Variants in ZFHX3 observed in about 807,000 individuals in gnomAD.
The protein encoded by ZFHX3 is zinc finger homeobox 3.
ZFHX3 carries 42 observed loss-of-function variants against 279.1 expected under a neutral mutation model. The observed-to-expected ratio is 0.15, with a 90% CI of 0.12 to 0.19. ZFHX3 has a LOEUF of 0.19. ZFHX3 is among the 10% of genes least tolerant of loss of function. ZFHX3 has a pLI of 1.00. For missense variants in ZFHX3, 4,981 were observed against 4,754.0 expected, an observed-to-expected ratio of 1.05 and a Z score of -1.40; for synonymous variants, 2,293 against 1,957.8, an observed-to-expected ratio of 1.17 and a Z score of -4.52.
intron 4 of ZFHX3, among the ~76,000 whole-genome samples, chr16:73,262,302 G>C (rs1271607934): frequency 6.6e-6 from 1 of 152,220 alleles, no homozygotes; most frequent in Admixed American, 6.5e-5. Context: ...ACTTAAGGTA[G>C]ATAGATTGTT....
At chr16:73,699,050 A>G (rs1241567500) in intron 1 of ZFHX3, among the ~76,000 whole-genome samples, 1 of 152,022 alleles carries the variant, frequency 6.6e-6, no homozygotes, top group African/African-American at 2.4e-5. Context: ...ACGCCTGACT[A>G]ATTGCTGAAT....
At chr16:73,866,932 C>A (rs1161565639) in intron 1 of ZFHX3, among the ~76,000 whole-genome samples, 1 of 152,172 alleles carries the variant, frequency 6.6e-6, no homozygotes, top group African/African-American at 2.4e-5. Context: ...CAGTTCTTAT[C>A]CGCCAACTCC....
chr16:73,625,258 C>T (rs529713483), intron 2 of ZFHX3, among the ~76,000 whole-genome samples: 20 of 152,298 alleles, frequency 1.3e-4, no homozygotes, highest in Admixed American at 1.2e-3. Context: ...TTGTAGTGAG[C>T]TGGTTATGTT....
At chr16:73,011,219 G>A (rs1963904669) in intron 1 of ZFHX3, among the ~76,000 whole-genome samples, 1 of 152,016 alleles carries the variant, frequency 6.6e-6, no homozygotes, top group South Asian at 2.1e-4. Context: ...CTGACCTCAG[G>A]TCGATCCGCC....
At chr16:73,703,499 A>C (rs1457707226) in intron 1 of ZFHX3, among the ~76,000 whole-genome samples, 1 of 152,180 alleles carries the variant, frequency 6.6e-6, no homozygotes, top group Non-Finnish European at 1.5e-5. Context: ...AGCCAAAAAA[A>C]AAAAATTGAT....
rs1215156581 is a variant in ZFHX3, at chr16:73,219,264, CATACA to C, written c.-1104+37778_-1104+37782del. On this transcript the variant is annotated intron_variant, in intron 5 of 17. Transcript: ENST00000641206. ...TGGCAACCAAAATTCACAGAAACAG[CATACA>C]GACCTATGCTGTTGTGATTGTTTCT... Among the ~76,000 whole-genome samples, 99 of 152,276 alleles carry C rather than the reference CATACA, an allele frequency of 6.5e-4. No homozygotes were observed. In the South Asian group the frequency reaches 0.02, roughly 31 times the overall value.
intron 3 of ZFHX3, among the ~76,000 whole-genome samples, chr16:73,326,763 G>A (rs542837075): frequency 2.6e-5 from 4 of 152,092 alleles, no homozygotes; most frequent in Non-Finnish European, 5.9e-5. Context: ...TGAATTTTAC[G>A]GTAAGTGAAT....
chr16:73,541,742 T>TTCCC, intron 2 of ZFHX3, among the ~76,000 whole-genome samples: 1 of 150,098 alleles, frequency 6.7e-6, no homozygotes, highest in Admixed American at 6.7e-5. Context: ...TCCTTCTGTC[T>TTCCC]TCCCTCCCAG....
At chr16:73,161,550 G>T (rs1967236820) in intron 5 of ZFHX3, among the ~76,000 whole-genome samples, 1 of 152,144 alleles carries the variant, frequency 6.6e-6, no homozygotes, top group South Asian at 2.1e-4. Context: ...TAGACATTTG[G>T]CACTGCACTG....
At chr16:73,713,504 C>A (rs2053384322) in intron 1 of ZFHX3, among the ~76,000 whole-genome samples, 1 of 152,186 alleles carries the variant, frequency 6.6e-6, no homozygotes. Context: ...ACTGTCCATG[C>A]AATGCATGAA....
At chr16:73,702,534 T>C (rs937594749) in intron 1 of ZFHX3, among the ~76,000 whole-genome samples, 2 of 152,078 alleles carry the variant, frequency 1.3e-5, no homozygotes, top group African/African-American at 4.8e-5. Context: ...TGAAGGGGAA[T>C]AAAAATCGCA....
rs77741225 is a variant in ZFHX3, at chr16:73,139,209, G to A, written c.-1024+4543C>T. 2.0e-5 allele frequency among the ~76,000 whole-genome samples: 3 copies of A among 152,246 alleles called. No individual in the cohort carries two copies. The East Asian group carries it at 5.8e-4, about 29-fold the overall frequency. ...ATAAACAATGGTATATCCAACACTG[G>A]AATGCAATGCAGTCATTGCAATGAA... On this transcript the variant is annotated intron_variant, in intron 6 of 17. Coordinates refer to the ZFHX3 transcript ENST00000641206.
chr16:73,728,015 G>GACCCC, intron 1 of ZFHX3, among the ~76,000 whole-genome samples: 1 of 75,484 alleles, frequency 1.3e-5, no homozygotes, highest in African/African-American at 4.5e-5. Context: ...GCCGAATTGT[G>GACCCC]CCCCCCCCCC....
intron 5 of ZFHX3, among the ~76,000 whole-genome samples, chr16:73,196,581 G>GAA (rs34660692): frequency 1.4e-5 from 2 of 140,860 alleles, no homozygotes; most frequent in Non-Finnish European, 1.6e-5. Context: ...ATCCTGGCCA[G>GAA]AAAAAAAAAA....
intron 1 of ZFHX3, among the ~76,000 whole-genome samples, chr16:73,872,041 C>T (rs959236088): frequency 1.3e-5 from 2 of 152,212 alleles, no homozygotes; most frequent in Middle Eastern, 3.4e-3. Flanking sequence ...CCCAGTTTTG[C>T]GATCAATATT....
At chr16:73,628,725 C>T (rs999501447) in intron 2 of ZFHX3, among the ~76,000 whole-genome samples, 1 of 152,184 alleles carries the variant, frequency 6.6e-6, no homozygotes, top group Admixed American at 6.5e-5. Context: ...TATTTCTTTC[C>T]ATTGCGTTTA....
chr16:73,359,335 CAG>C (rs982955825), intron 3 of ZFHX3, among the ~76,000 whole-genome samples: 12 of 151,918 alleles, frequency 7.9e-5, no homozygotes, highest in Non-Finnish European at 1.3e-4. Flanking sequence ...GGTAGGGACA[CAG>C]GGGTGAATAA....
chr16:73,741,707 C>T (rs969888322), intron 1 of ZFHX3, among the ~76,000 whole-genome samples: 3 of 152,210 alleles, frequency 2.0e-5, no homozygotes, highest in Admixed American at 6.5e-5. Context: ...CTTATCTCCA[C>T]TTCTTTTATA....
At chr16:73,891,708 T>C (rs1323177654) in exon 1 of ZFHX3, 1 of 151,384 alleles carries the variant, frequency 6.6e-6, no homozygotes, top group Non-Finnish European at 1.5e-5. Context: ...TCCTTTAGAA[T>C]TTTTGAGAAC....
Sources: allele counts gnomAD v4.1 joint callset (sites outside exome capture counted in the v4.1 genomes callset), GRCh38; gene constraint gnomAD v4.1.1; transcripts MANE v1.5; gene names NCBI Gene and HGNC (gene_info 2026-07-23, HGNC 2026-07-21).